The following TMOD1 variants were observed in gnomAD, a reference collection of about 807,000 sequenced individuals.
TMOD1 encodes the protein tropomodulin 1, also known as tropomodulin-1.
Under a neutral mutation model 40.6 loss-of-function variants are expected in TMOD1, and 17 were observed. The ratio of observed to expected loss-of-function variants is 0.42; its 90% CI spans 0.29 to 0.63. TMOD1 has a LOEUF of 0.63. TMOD1 is among the 20% of genes least tolerant of loss of function. The pLI, the probability that TMOD1 is intolerant of heterozygous loss-of-function variation, is 0.22. For missense variants in TMOD1, 391 were observed against 447.6 expected (o/e 0.87, Z 1.14); for synonymous variants, 181 against 175.0 (o/e 1.03, Z -0.27).
intron 8 of TMOD1, among the ~76,000 whole-genome samples, chr9:97,578,128 T>G (rs1364337440): frequency 1.3e-5 from 2 of 152,200 alleles, no homozygotes; most frequent in Admixed American, 6.5e-5. Context: ...TGATCTCAGC[T>G]CACTGCAAAC....
At position 97,577,230 on chromosome 9, in the gene TMOD1, C is replaced by G. The variant is rs542385921; in HGVS notation, c.870+8193C>G. Among the ~76,000 whole-genome samples the G allele has an allele frequency of 5.3e-5, 8 of 152,272 alleles. No homozygotes were observed. In the South Asian group the frequency reaches 1.7e-3, roughly 32 times the overall value. ...CAGGCACAGGCAGCTCACTACCTTA[C>G]CAGGCAGTTCCTCAGCGTGTGGACA... On this transcript the variant is annotated intron_variant, in intron 8 of 9. Transcript: ENST00000259365.
intron 9 of TMOD1, among the ~76,000 whole-genome samples, chr9:97,595,101 T>C (rs1343157312): frequency 6.6e-6 from 1 of 152,246 alleles, no homozygotes; most frequent in Non-Finnish European, 1.5e-5. Context: ...ATGTATTTTA[T>C]TGTCAATTGA....
intron 3 of TMOD1, among the ~76,000 whole-genome samples, chr9:97,550,875 T>C (rs947885505): frequency 6.6e-6 from 1 of 151,706 alleles, no homozygotes; most frequent in African/African-American, 2.4e-5. Context: ...TAAATTCTGA[T>C]GAAGTCCAGT....
intron 8 of TMOD1, among the ~76,000 whole-genome samples, chr9:97,571,376 T>G (rs1177885210): frequency 6.6e-6 from 1 of 152,186 alleles, no homozygotes; most frequent in Non-Finnish European, 1.5e-5. Context: ...AAACATTTAC[T>G]TCCCTGAGCC....
intron 1 of TMOD1, among the ~76,000 whole-genome samples, chr9:97,522,403 G>T (rs1291776002): frequency 2.0e-5 from 3 of 152,080 alleles, no homozygotes; most frequent in East Asian, 1.9e-4. Flanking sequence ...TGGATTAGGG[G>T]CCCACTCTAT....
At chr9:97,560,001 GGGA>G (rs768743495) in intron 4 of TMOD1, among the ~76,000 whole-genome samples, 12 of 151,086 alleles carry the variant, frequency 7.9e-5, no homozygotes, top group Non-Finnish European at 1.5e-4. Context: ...GCCTAGACAG[GGGA>G]GGAGAACTGC....
chr9:97,514,370 G>A (rs1208398112), intron 1 of TMOD1, among the ~76,000 whole-genome samples: 1 of 150,276 alleles, frequency 6.7e-6, no homozygotes, highest in Non-Finnish European at 1.5e-5. Context: ...CGTCCGCCTT[G>A]GCCTCCTAAA....
rs71487335 is a variant in TMOD1, at chr9:97,595,533, C to CTTT, written c.1016-4083_1016-4081dup. On this transcript the variant is annotated intron_variant, in intron 9 of 9. Coordinates refer to ENST00000259365, the MANE Select transcript of TMOD1 (RefSeq NM_003275.4). The stretch of plus-strand genomic sequence containing the variant: ...ATGTGGTTGCAAATGAACAAATTTC[C>CTTT]TTTTTTTTTTTTTTTTTTTTAAAGA... 6.2e-3 allele frequency among the ~76,000 whole-genome samples: 750 copies of CTTT among 121,648 alleles called. 7 individuals are homozygous for CTTT. Among genetic ancestry groups the CTTT allele is most frequent in the African/African-American group, 0.02 (636 of 32,466 alleles). 79.8% of individuals were successfully genotyped at this position (121,648 alleles called of 152,430 possible). A position where few individuals can be genotyped will look rare whatever the true frequency, so the allele number is the denominator to read the frequency against.
At chr9:97,593,817 G>GT (rs1321364761) in intron 9 of TMOD1, among the ~76,000 whole-genome samples, 5 of 152,122 alleles carry the variant, frequency 3.3e-5, no homozygotes, top group African/African-American at 1.2e-4. Context: ...GGTTCTAGGA[G>GT]TATTAGGAAG....
chr9:97,580,024 T>G (rs1825709036), intron 8 of TMOD1, among the ~76,000 whole-genome samples: 1 of 151,464 alleles, frequency 6.6e-6, no homozygotes, highest in African/African-American at 2.4e-5. Context: ...ACAGGCCGAG[T>G]AAGGAAGGAG....
intron 2 of TMOD1, among the ~76,000 whole-genome samples, chr9:97,540,006 AAAAG>A (rs1391884495): frequency 1.3e-5 from 2 of 151,888 alleles, no homozygotes; most frequent in African/African-American, 4.8e-5. Flanking sequence ...GAAAAAAAGA[AAAAG>A]AAAACAAAAA....
At chr9:97,587,690 T>G (rs1213444736) in intron 8 of TMOD1, among the ~76,000 whole-genome samples, 4 of 152,198 alleles carry the variant, frequency 2.6e-5, no homozygotes, top group Admixed American at 1.3e-4. Flanking sequence ...CACCACTATC[T>G]AATTCTAGAA....
intron 4 of TMOD1, among the ~76,000 whole-genome samples, chr9:97,559,017 A>T (rs1257981683): frequency 1.3e-5 from 2 of 152,174 alleles, no homozygotes. Context: ...AGACCATCAC[A>T]GGAAGCTGGC....
intron 9 of TMOD1, among the ~76,000 whole-genome samples, chr9:97,598,667 A>G (rs1826170257): frequency 6.6e-6 from 1 of 151,638 alleles, no homozygotes; most frequent in Non-Finnish European, 1.5e-5. Flanking sequence ...GGCTGGCCCC[A>G]CCTCCCTTGT....
chr9:97,595,912 A>C (rs1024331729), intron 9 of TMOD1, among the ~76,000 whole-genome samples: 3 of 151,952 alleles, frequency 2.0e-5, no homozygotes, highest in Non-Finnish European at 4.4e-5. Context: ...GTCTCTACTA[A>C]AAATACAAAA....
At chr9:97,537,517 G>A (rs1830203565) in intron 2 of TMOD1, among the ~76,000 whole-genome samples, 1 of 152,200 alleles carries the variant, frequency 6.6e-6, no homozygotes, top group Admixed American at 6.5e-5. Context: ...GCACAGTTAA[G>A]GATCTGTCCA....
intron 1 of TMOD1, among the ~76,000 whole-genome samples, chr9:97,521,088 C>T (rs538842400): frequency 8.5e-5 from 13 of 152,288 alleles, no homozygotes; most frequent in African/African-American, 2.9e-4. Context: ...AGAAGTGTTT[C>T]CCAGCTGGTC....
chr9:97,508,029 A>G (rs541445788), intron 1 of TMOD1, among the ~76,000 whole-genome samples: 1 of 151,182 alleles, frequency 6.6e-6, no homozygotes, highest in Non-Finnish European at 1.5e-5. Flanking sequence ...CAATTGACAC[A>G]TAATGAAACA....
chr9:97,550,600 A>G (rs1324020539), intron 3 of TMOD1, among the ~76,000 whole-genome samples: 4 of 152,044 alleles, frequency 2.6e-5, no homozygotes, highest in Non-Finnish European at 5.9e-5. Context: ...TGTAGTTTTG[A>G]TTTGCATCTC....
Sources: gnomAD v4.1 joint callset for allele counts (sites outside exome capture counted in the v4.1 genomes callset) on GRCh38, gnomAD v4.1.1 for gene constraint, MANE v1.5 for transcripts, NCBI Gene and HGNC (gene_info 2026-07-23, HGNC 2026-07-21) for gene names.